Variants in DPP8 observed in about 807,000 individuals in gnomAD.
DPP8 encodes the protein DPP VIII.
A neutral mutation model predicts 107.5 loss-of-function variants in DPP8; 31 were observed. The ratio of observed to expected loss-of-function variants is 0.29; its 90% CI spans 0.22 to 0.39. The LOEUF (loss-of-function observed/expected upper bound fraction) is 0.39, where lower values mean the gene tolerates loss of function less well. Ranked by LOEUF, DPP8 falls within the 10% of genes least tolerant of loss-of-function variation. The pLI is 1.00. For synonymous variants in DPP8, 381 were observed against 356.6 expected (o/e 1.07, Z -0.77); for missense variants, 842 against 1,076.1 (o/e 0.78, Z 3.04).
intron 14 of DPP8, 27 bp downstream of exon 14, chr15:65,466,651 G>A (rs376166956): frequency 5.6e-6 from 9 of 1,600,488 alleles, no homozygotes; most frequent in African/African-American, 2.7e-5. Flanking sequence ...CCTACTTAAC[G>A]TCAGGATCAG....
At position 65,447,461 on chromosome 15, in the gene DPP8, T is replaced by G. The variant is rs61262104; in HGVS notation, c.2527-455A>C. 3.0e-3 allele frequency among the ~76,000 whole-genome samples: 464 copies of G among 152,280 alleles called. 1 individual carries two copies. The highest frequency in any genetic ancestry group is 0.011 in the African/African-American group (447 of 41,564). ...CACAGTATTCCTCACCACCACACAC[T>G]TCCAATAAAAAAGAAAAATGGCAGT... On this transcript the variant is annotated intron_variant, in intron 19 of 19. Coordinates refer to ENST00000300141, the MANE Select transcript of DPP8 (RefSeq NM_130434.5).
intron 2 of DPP8, among the ~76,000 whole-genome samples, chr15:65,511,526 T>C (rs948682178): frequency 1.3e-5 from 2 of 150,426 alleles, no homozygotes; most frequent in African/African-American, 2.4e-5. Flanking sequence ...TGTGGTGGCG[T>C]GCACCTGTAG....
intron 3 of DPP8, among the ~76,000 whole-genome samples, chr15:65,502,066 T>G (rs1283911226): frequency 2.0e-5 from 3 of 152,156 alleles, no homozygotes; most frequent in Non-Finnish European, 4.4e-5. Flanking sequence ...ATATTTTGCA[T>G]TTTTAGTAGA....
chr15:65,504,886 G>T (rs1230090938), intron 3 of DPP8, among the ~76,000 whole-genome samples: 1 of 152,036 alleles, frequency 6.6e-6, no homozygotes, highest in Non-Finnish European at 1.5e-5. Context: ...AGGAGGCTGA[G>T]GCAGGATTGC....
Position 65,517,636 on chromosome 15 carries a change from A to C in DPP8, c.-162T>G, listed in dbSNP as rs2071623689. On this transcript the variant is annotated 5_prime_UTR_variant, in exon 1 of 20. Coordinates refer to ENST00000300141, the MANE Select transcript of DPP8 (RefSeq NM_130434.5). ...AACCCAGGCGGCGAACGCGGCACTA[A>C]GAAGCAGCGGCGGCAGTAGCAGCGG... 6.6e-6 allele frequency: 1 copy of C among 152,572 alleles called. No homozygotes were observed. The highest frequency in any genetic ancestry group is 2.1e-4 in the South Asian group (1 of 4,846). The allele number at this position is 152,572 out of a possible 1,614,324, so 9.5% of individuals were successfully genotyped here. A position where few individuals can be genotyped will look rare whatever the true frequency, so the allele number is the denominator to read the frequency against.
At chr15:65,450,001 CTT>C (rs1334432938) in intron 19 of DPP8, among the ~76,000 whole-genome samples, 2 of 95,852 alleles carry the variant, frequency 2.1e-5, no homozygotes, top group African/African-American at 3.6e-5. Context: ...GAGTTTCACT[CTT>C]GTTGCCCAGG....
chr15:65,515,519 A>G, intron 1 of DPP8: 2 of 673,344 alleles, frequency 3.0e-6, no homozygotes, highest in Non-Finnish European at 5.3e-6. Context: ...TTATATACAA[A>G]CACATTCTCA....
chr15:65,509,639 G>A (rs938941127), intron 2 of DPP8, among the ~76,000 whole-genome samples: 4 of 152,138 alleles, frequency 2.6e-5, no homozygotes, highest in Non-Finnish European at 4.4e-5. Flanking sequence ...CTAATGTAAC[G>A]AAATGCTTGT....
intron 3 of DPP8, among the ~76,000 whole-genome samples, 188 bp from the exon 4 acceptor site, chr15:65,500,967 T>A (rs1451239953): frequency 6.9e-6 from 1 of 145,166 alleles, no homozygotes. Flanking sequence ...AAGCTCTGCC[T>A]CCCGGGTTCA....
At chr15:65,494,200 C>T (rs1012423381) in intron 5 of DPP8, among the ~76,000 whole-genome samples, 10 of 130,604 alleles carry the variant, frequency 7.7e-5, no homozygotes, top group East Asian at 2.2e-4. Flanking sequence ...GCCACCAAGG[C>T]GGGAGTGCAG....
chr15:65,512,634 G>T, intron 1 of DPP8, 70 bp from the exon 2 acceptor site: 2 of 1,531,048 alleles, frequency 1.3e-6, no homozygotes, highest in Non-Finnish European at 1.8e-6. Context: ...CTCTGAGAGG[G>T]TCAAAAAAAA....
At position 65,467,051 on chromosome 15, in the gene DPP8, T is replaced by C; in HGVS notation, c.1689+20A>G. On this transcript the variant is annotated intron_variant, in intron 13 of 19. Coordinates refer to ENST00000300141, the MANE Select transcript of DPP8 (RefSeq NM_130434.5). ...AGAGTTTTAATATGACACAAAACCC[T>C]TTTTAAACAAACTTAATACCTGACT... 6.2e-7 allele frequency: 1 copy of C among 1,612,856 alleles called. No homozygotes were observed.
intron 5 of DPP8, among the ~76,000 whole-genome samples, chr15:65,497,178 A>G (rs2068692662): frequency 6.6e-6 from 1 of 152,206 alleles, no homozygotes; most frequent in African/African-American, 2.4e-5. Context: ...GGCATGAGCC[A>G]CCACGCCCGG....
At chr15:65,470,007 G>T (rs2065717634) in intron 12 of DPP8, among the ~76,000 whole-genome samples, 1 of 151,468 alleles carries the variant, frequency 6.6e-6, no homozygotes, top group African/African-American at 2.4e-5. Context: ...GACCAGCTTG[G>T]CCAACATGGC....
chr15:65,456,394 G>A (rs1595868564), intron 15 of DPP8, 23 bp from the exon 16 acceptor site: 1 of 1,600,032 alleles, frequency 6.2e-7, no homozygotes, highest in East Asian at 2.2e-5. Flanking sequence ...CACAACTTCA[G>A]TTTATCATAT....
chr15:65,452,747 G>A (rs1262549590), intron 17 of DPP8, among the ~76,000 whole-genome samples: 1 of 151,966 alleles, frequency 6.6e-6, no homozygotes, highest in African/African-American at 2.4e-5. Flanking sequence ...TGAGGCGGGC[G>A]GATCACCCAA....
At chr15:65,514,799 C>T (rs138825157) in intron 1 of DPP8, among the ~76,000 whole-genome samples, 7,308 of 152,200 alleles carry the variant, frequency 0.048, 602 homozygotes, top group African/African-American at 0.17. Context: ...TGGGAGCCAC[C>T]GTGCCCGGCC....
At chr15:65,506,963 T>G (rs1567287896) in intron 3 of DPP8, among the ~76,000 whole-genome samples, 1 of 152,014 alleles carries the variant, frequency 6.6e-6, no homozygotes, top group African/African-American at 2.4e-5. Context: ...TTCTTTTCTG[T>G]GAACAACTCC....
chr15:65,457,246 C>T (rs1474950651), intron 15 of DPP8, among the ~76,000 whole-genome samples: 2 of 151,968 alleles, frequency 1.3e-5, no homozygotes, highest in African/African-American at 4.8e-5. Flanking sequence ...CCCAGTCACT[C>T]GGGAGGCAGA....
Sources: gnomAD v4.1 joint callset for allele counts (sites outside exome capture counted in the v4.1 genomes callset) on GRCh38, gnomAD v4.1.1 for gene constraint, MANE v1.5 for transcripts, NCBI Gene and HGNC (gene_info 2026-07-23, HGNC 2026-07-21) for gene names.